The following SNX29 variants were observed in gnomAD, a reference collection of about 807,000 sequenced individuals.
SNX29 encodes sorting nexin-29.
SNX29 carries 78 observed loss-of-function variants against 102.1 expected under a neutral mutation model. The observed-to-expected ratio is 0.76, with a 90% confidence interval of 0.64 to 0.92. The LOEUF is 0.92. Among genes scored for constraint, SNX29 ranks in the 40% least tolerant of loss-of-function variants. SNX29 has a pLI of 0.00. For missense variants in SNX29, 1,280 were observed against 1,061.7 expected, an observed-to-expected ratio of 1.21 and a Z score of -2.86; for synonymous variants, 580 against 414.5, an observed-to-expected ratio of 1.40 and a Z score of -4.85.
At chr16:12,552,839 G>A (rs1416295621) in intron 20 of SNX29, among the ~76,000 whole-genome samples, 2 of 152,230 alleles carry the variant, frequency 1.3e-5, no homozygotes, top group African/African-American at 2.4e-5. Flanking sequence ...TGACCTGCCA[G>A]AGAGGAGAGG....
intron 13 of SNX29, among the ~76,000 whole-genome samples, chr16:12,175,855 A>T (rs2076248880): frequency 6.6e-6 from 1 of 151,282 alleles, no homozygotes; most frequent in Non-Finnish European, 1.5e-5. Flanking sequence ...AAAATAATTA[A>T]AAAAAAAATT....
chr16:12,252,351 G>A (rs1301126949), intron 14 of SNX29, among the ~76,000 whole-genome samples: 1 of 152,214 alleles, frequency 6.6e-6, no homozygotes. Context: ...CCTCCCACCT[G>A]GCGGCTACCT....
In SNX29 at chr16:12,568,506, C is replaced by T. The variant is rs561666739; in HGVS notation, c.2319C>T (p.Val773=). The T allele has an allele frequency of 1.4e-5, 23 of 1,609,724 alleles. 1 individual carries two copies. The highest frequency in any genetic ancestry group is 8.3e-5 in the Admixed American group (5 of 60,022). The change falls in exon 21 of 21, where the codon GTC becomes GTT. Residue 773 remains valine (V), a splice_region_variant and synonymous_variant. Coordinates refer to ENST00000566228, the MANE Select transcript of SNX29 (RefSeq NM_032167.5). ...CCCGATTCTCTCCCTGCTCTTTCAGCGACATCACCCCGCCCGGAGAGCCTG... is the reference window on the plus strand; with the variant it reads ...CCCGATTCTCTCCCTGCTCTTTCAGTGACATCACCCCGCCCGGAGAGCCTG... The part of the protein sequence containing the change: ...ETLIQLMPFF[V]DITPPGEPVN...
intron 14 of SNX29, among the ~76,000 whole-genome samples, chr16:12,258,727 A>G (rs1387525500): frequency 6.6e-6 from 1 of 152,104 alleles, no homozygotes. Flanking sequence ...CTGCCTTTCC[A>G]TCTTAGTAGC....
At chr16:12,108,492 G>C (rs2053361239) in intron 11 of SNX29, among the ~76,000 whole-genome samples, 1 of 152,232 alleles carries the variant, frequency 6.6e-6, no homozygotes, top group South Asian at 2.1e-4. Flanking sequence ...TTGAGTCTTG[G>C]AGGTGCTGTG....
intron 11 of SNX29, among the ~76,000 whole-genome samples, chr16:12,085,321 C>T (rs887886864): frequency 3.9e-5 from 6 of 152,154 alleles, no homozygotes; most frequent in South Asian, 2.1e-4. Flanking sequence ...CATATTCCTT[C>T]TCCACTCTTC....
chr16:12,107,532 G>C (rs953970244), intron 11 of SNX29, among the ~76,000 whole-genome samples: 1 of 152,122 alleles, frequency 6.6e-6, no homozygotes, highest in Non-Finnish European at 1.5e-5. Flanking sequence ...GCCAGGCATG[G>C]TGACTGAGGC....
chr16:12,341,003 T>C (rs1596990796), intron 15 of SNX29, among the ~76,000 whole-genome samples: 1 of 152,198 alleles, frequency 6.6e-6, no homozygotes, highest in Non-Finnish European at 1.5e-5. Context: ...TTTCCTTACC[T>C]GTAGAATGGG....
At chr16:12,274,465 C>T (rs939856304) in intron 14 of SNX29, among the ~76,000 whole-genome samples, 1 of 151,990 alleles carries the variant, frequency 6.6e-6, no homozygotes, top group Non-Finnish European at 1.5e-5. Flanking sequence ...TTGATTTCCT[C>T]TTCTGTGTGT....
At chr16:12,391,698 A>G (rs563592615) in intron 16 of SNX29, among the ~76,000 whole-genome samples, 2 of 152,252 alleles carry the variant, frequency 1.3e-5, no homozygotes, top group East Asian at 1.9e-4. Context: ...TAAATTGCAG[A>G]TGTCGGTATA....
intron 18 of SNX29, among the ~76,000 whole-genome samples, chr16:12,427,268 G>A (rs941989993): frequency 4.6e-5 from 7 of 151,660 alleles, no homozygotes; most frequent in African/African-American, 9.7e-5. Context: ...TTTGTTTGTC[G>A]TTGCTGTTGT....
At chr16:12,140,869 A>G (rs1415390638) in intron 13 of SNX29, among the ~76,000 whole-genome samples, 16 of 152,202 alleles carry the variant, frequency 1.1e-4, no homozygotes. Context: ...TTAAATAAAA[A>G]TATTTGGTAA....
intron 20 of SNX29, among the ~76,000 whole-genome samples, chr16:12,553,976 C>CA: frequency 6.6e-6 from 1 of 152,244 alleles, no homozygotes; most frequent in Non-Finnish European, 1.5e-5. Context: ...TACAGGCATC[C>CA]ACCACATTTG....
At chr16:12,225,033 C>A (rs569790155) in intron 14 of SNX29, among the ~76,000 whole-genome samples, 1 of 152,186 alleles carries the variant, frequency 6.6e-6, no homozygotes, top group Non-Finnish European at 1.5e-5. Context: ...GGATCTTGAC[C>A]TCCTCTTACT....
chr16:12,299,993 C>A (rs933006351), intron 15 of SNX29, among the ~76,000 whole-genome samples: 5 of 152,290 alleles, frequency 3.3e-5, no homozygotes, highest in Admixed American at 3.3e-4. Flanking sequence ...GCCTCAGCCT[C>A]CTGAGTAGCT....
intron 15 of SNX29, among the ~76,000 whole-genome samples, chr16:12,344,490 G>T (rs934502526): frequency 1.3e-5 from 2 of 152,218 alleles, no homozygotes; most frequent in African/African-American, 4.8e-5. Context: ...GTTTAAAACA[G>T]GGTTTGGCAA....
chr16:12,308,677 G>C (rs189383180), intron 15 of SNX29, among the ~76,000 whole-genome samples: 237 of 152,288 alleles, frequency 1.6e-3, no homozygotes, highest in Non-Finnish European at 2.0e-3. Flanking sequence ...TGCAATGCCT[G>C]TGTAATATTT....
At chr16:12,265,110 C>CT (rs1401899858) in intron 14 of SNX29, among the ~76,000 whole-genome samples, 1 of 152,178 alleles carries the variant, frequency 6.6e-6, no homozygotes, top group Admixed American at 6.6e-5. Flanking sequence ...CTGACACTTC[C>CT]TTTTTTGGGT....
At chr16:12,384,104 C>G (rs985793006) in intron 16 of SNX29, among the ~76,000 whole-genome samples, 5 of 152,190 alleles carry the variant, frequency 3.3e-5, no homozygotes, top group African/African-American at 1.2e-4. Flanking sequence ...ACCACATTTT[C>G]TATACCCATT....
Sources: gnomAD v4.1 joint callset for allele counts (sites outside exome capture counted in the v4.1 genomes callset) on GRCh38, gnomAD v4.1.1 for gene constraint, MANE v1.5 for transcripts, NCBI Gene and HGNC (gene_info 2026-07-23, HGNC 2026-07-21) for gene names.